The following SLC25A25 variants were observed in gnomAD, a reference collection of about 807,000 sequenced individuals.
The protein encoded by SLC25A25 is solute carrier family 25 member 25.
In SLC25A25, 32 loss-of-function variants were observed where a neutral mutation model predicts 57.7. That is an observed-to-expected ratio of 0.55 (90% CI 0.42 to 0.74). SLC25A25 has a LOEUF of 0.74. SLC25A25 is among the 30% of genes least tolerant of loss of function. The pLI, the probability that SLC25A25 is intolerant of heterozygous loss-of-function variation, is 0.00. For synonymous variants in SLC25A25, 306 were observed against 291.2 expected, an observed-to-expected ratio of 1.05 and a Z score of -0.52; for missense variants, 556 against 701.3, an observed-to-expected ratio of 0.79 and a Z score of 2.34.
At chr9:128,100,871 TG>T (rs2130816740) in intron 1 of SLC25A25, 1 of 560,864 alleles carries the variant, frequency 1.8e-6, no homozygotes, top group South Asian at 2.1e-5. Context: ...GAGACAAGAT[TG>T]GCCCTTGCCT....
At chr9:128,076,468 ATTTTTAT>A (rs1564178031) in intron 1 of SLC25A25, among the ~76,000 whole-genome samples, 2,688 of 95,062 alleles carry the variant, frequency 0.028, 125 homozygotes, top group African/African-American at 0.13. Flanking sequence ...TTTTATTTTT[ATTTTTAT>A]TTTTTTTTGA....
rs2130786235 is a variant in SLC25A25, at chr9:128,076,868, G to A, written c.261+8288G>A. ...GACGGGCCATCATGGTCACTAGCCA[G>A]CCTTCCACCCAACATGGAGATAAGC... On this transcript the variant is annotated intron_variant, in intron 1 of 10. Coordinates refer to ENST00000373069, the MANE Select transcript of SLC25A25 (RefSeq NM_001330988.2). Among the ~76,000 whole-genome samples, 2 of 152,282 alleles carry A rather than the reference G, an allele frequency of 1.3e-5. 1 individual carries two copies. Among genetic ancestry groups the A allele is most frequent in the East Asian group, 3.9e-4 (2 of 5,186 alleles).
chr9:128,080,392 G>T (rs1435985830), intron 1 of SLC25A25, among the ~76,000 whole-genome samples: 1 of 143,580 alleles, frequency 7.0e-6, no homozygotes, highest in Non-Finnish European at 1.5e-5. Context: ...TGTCTGTTAA[G>T]TCCTTATCTG....
Position 128,068,292 on chromosome 9 carries a change from C to G in SLC25A25, c.-28C>G. The G allele has an allele frequency of 1.6e-6, 2 of 1,270,634 alleles. No homozygotes were observed. Among genetic ancestry groups the G allele is most frequent in the Non-Finnish European group, 2.0e-6 (2 of 999,790 alleles). 78.7% of individuals were successfully genotyped at this position (1,270,634 alleles called of 1,614,324 possible). On this transcript the variant is annotated 5_prime_UTR_variant, in exon 1 of 11. Coordinates refer to ENST00000373069, the MANE Select transcript of SLC25A25 (RefSeq NM_001330988.2). ...CCGGCCCGCCGCCCCCGCTCCCGCC[C>G]GCGCCCGGAGCCCCTGCCTCGCGCC...
At position 128,109,191 on chromosome 9, in the gene SLC25A25, G is replaced by A. The variant is rs2130834891; in HGVS notation, c.*1747G>A. On this transcript the variant is annotated 3_prime_UTR_variant, in exon 11 of 11. Transcript: ENST00000373069. ...CAAAAAGCAAATTAAGAAAGAATTGGACGTTAGAAGTTGTCATTTAAAGCA... is the reference window on the plus strand; with the variant it reads ...CAAAAAGCAAATTAAGAAAGAATTGAACGTTAGAAGTTGTCATTTAAAGCA... 1 of 152,690 alleles carries A rather than the reference G, an allele frequency of 6.5e-6. No homozygotes were observed. Among genetic ancestry groups the A allele is most frequent in the East Asian group, 1.9e-4 (1 of 5,190 alleles). The allele number at this position is 152,690 out of a possible 1,614,324, so 9.5% of individuals were successfully genotyped here.
intron 1 of SLC25A25, chr9:128,091,936 A>G (rs767479933): frequency 6.2e-7 from 1 of 1,613,674 alleles, no homozygotes; most frequent in Non-Finnish European, 8.5e-7. Flanking sequence ...ACGGCTCCAG[A>G]GAGGGGGACG....
At position 128,079,843 on chromosome 9, in the gene SLC25A25, T is replaced by C. The variant is rs557828363; in HGVS notation, c.261+11263T>C. The stretch of plus-strand genomic sequence containing the variant: ...CCGTCTCTATTAAAAATACAAAAAT[T>C]AGCCGGGTATGGTGGTGCACGCCTG... On this transcript the variant is annotated intron_variant, in intron 1 of 10. Transcript: ENST00000373069. Among the ~76,000 whole-genome samples, 9 of 151,896 alleles carry C rather than the reference T, an allele frequency of 5.9e-5. No individual in the cohort carries two copies. The East Asian group carries it at 1.8e-3, about 30-fold the overall frequency.
chr9:128,078,135 T>C (rs1373952318), intron 1 of SLC25A25, among the ~76,000 whole-genome samples: 1 of 152,152 alleles, frequency 6.6e-6, no homozygotes, highest in Non-Finnish European at 1.5e-5. Context: ...TCTCCAAGTC[T>C]GTTTCCTTAT....
intron 1 of SLC25A25, chr9:128,100,813 G>A (rs1833760548): frequency 4.7e-6 from 2 of 426,362 alleles, no homozygotes; most frequent in Non-Finnish European, 8.6e-6. Flanking sequence ...GTCGGCCTCT[G>A]TCCGGAGGGC....
At position 128,103,842 on chromosome 9, in the gene SLC25A25, A is replaced by T; in HGVS notation, c.783+3A>T. ...ACAGGCTCAAGGTGCTCATGCAGGT[A>T]TGTAGGGAAAAGGCCCCAGACCCCT... On this transcript the variant is annotated splice_donor_region_variant and intron_variant, in intron 6 of 10. Transcript: ENST00000373069. This position sits in a 1 kb window ranked among gnomAD's most constrained non-coding sequence, Gnocchi z 6.7. 6.4e-7 allele frequency: 1 copy of T among 1,567,214 alleles called. No individual in the cohort carries two copies. The highest frequency in any genetic ancestry group is 8.6e-7 in the Non-Finnish European group (1 of 1,156,168).
intron 1 of SLC25A25, among the ~76,000 whole-genome samples, chr9:128,070,819 C>T (rs1357605978): frequency 2.0e-5 from 3 of 151,596 alleles, no homozygotes; most frequent in East Asian, 3.9e-4. Flanking sequence ...GGAGTGGTGG[C>T]GCATGCCTGT....
chr9:128,089,282 G>T (rs1317597398), intron 1 of SLC25A25, among the ~76,000 whole-genome samples: 2 of 152,068 alleles, frequency 1.3e-5, no homozygotes, highest in Non-Finnish European at 2.9e-5. Context: ...CAATCATTTT[G>T]TAGATAATAA....
chr9:128,108,111 G>A lies in SLC25A25; in HGVS notation c.*667G>A. The A allele has an allele frequency of 2.5e-6, 1 of 399,676 alleles. No homozygotes were observed. The highest frequency in any genetic ancestry group is 4.4e-6 in the Non-Finnish European group (1 of 226,698). 24.8% of individuals were successfully genotyped at this position (399,676 alleles called of 1,614,324 possible). A position where few individuals can be genotyped will look rare whatever the true frequency, so the allele number is the denominator to read the frequency against. On this transcript the variant is annotated 3_prime_UTR_variant, in exon 11 of 11. Transcript: ENST00000373069. ...GAGTGCAGGGGGCTCGGGCTGCCTG[G>A]CCTGGCTGCACAGAAGGCAAGTGCT...
In SLC25A25 at chr9:128,103,922, G is replaced by C. The variant is rs1588790480; in HGVS notation, c.783+83G>C. On this transcript the variant is annotated intron_variant, in intron 6 of 10. Transcript: ENST00000373069. This position sits in a 1 kb window ranked among gnomAD's most constrained non-coding sequence, Gnocchi z 6.7. Reference sequence around the variant, plus strand: ...GCTTGGCTAGTTTTCCCTTTCTCTGGCTGGTGCCTGCTTTGGGCCCAAACT... The same window carrying C: ...GCTTGGCTAGTTTTCCCTTTCTCTGCCTGGTGCCTGCTTTGGGCCCAAACT... 1.4e-6 allele frequency: 2 copies of C among 1,402,482 alleles called. No individual in the cohort carries two copies. Among genetic ancestry groups the C allele is most frequent in the East Asian group, 5.1e-5 (2 of 39,460 alleles). 86.9% of individuals were successfully genotyped at this position (1,402,482 alleles called of 1,614,324 possible). A position where few individuals can be genotyped will look rare whatever the true frequency, so the allele number is the denominator to read the frequency against.
intron 1 of SLC25A25, among the ~76,000 whole-genome samples, chr9:128,071,258 T>C (rs1256357835): frequency 2.6e-5 from 4 of 152,212 alleles, no homozygotes; most frequent in African/African-American, 9.6e-5. Flanking sequence ...AGAAAACTTT[T>C]ATTAACCAAA....
At chr9:128,091,702 A>G in intron 1 of SLC25A25, 1 of 1,362,886 alleles carries the variant, frequency 7.3e-7, no homozygotes, top group Non-Finnish European at 9.4e-7. Context: ...GCACGACAGC[A>G]GTGCTAGCAC....
In SLC25A25 at chr9:128,068,470, TG is replaced by T; in HGVS notation, c.153del (p.Trp51Ter). On this transcript the variant is annotated frameshift_variant, in exon 1 of 11. Coordinates refer to ENST00000373069, the MANE Select transcript of SLC25A25 (RefSeq NM_001330988.2). LOFTEE classifies it high-confidence loss of function. ...GGGCCCGGACCACCGGCTGCGCCTG[TG>T]GAGACTCTTTCAGACGCTCGACGTC... is the stretch of plus-strand genomic sequence containing the variant. ...CGGPDHRLRL[W>X]RLFQTLDVNR... The T allele has an allele frequency of 2.6e-6, 4 of 1,550,094 alleles. No individual in the cohort carries two copies. Among genetic ancestry groups the T allele is most frequent in the Non-Finnish European group, 3.5e-6 (4 of 1,158,402 alleles).
chr9:128,090,456 C>G (rs1314852773), intron 1 of SLC25A25, among the ~76,000 whole-genome samples: 1 of 151,978 alleles, frequency 6.6e-6, no homozygotes, highest in Non-Finnish European at 1.5e-5. Context: ...CTTGGCCTCC[C>G]AAAGTGCTGG....
intron 1 of SLC25A25, chr9:128,098,594 G>T: frequency 3.7e-6 from 6 of 1,614,088 alleles, no homozygotes; most frequent in Non-Finnish European, 5.1e-6. Flanking sequence ...GTATGTGCCG[G>T]TCATCGGGGA....
Sources: gnomAD v4.1 joint callset for allele counts (sites outside exome capture counted in the v4.1 genomes callset) on GRCh38, gnomAD v4.1.1 for gene constraint, Gnocchi (gnomAD v3.1) non-coding constraint, MANE v1.5 for transcripts, NCBI Gene and HGNC (gene_info 2026-07-23, HGNC 2026-07-21) for gene names.